PCDH7: variants seen among roughly 807,000 people sequenced by gnomAD.
PCDH7 encodes the protein protocadherin-7.
In PCDH7, 17 loss-of-function variants were observed where a neutral mutation model predicts 58.9. The ratio of observed to expected loss-of-function variants is 0.29; its 90% CI spans 0.20 to 0.43. The LOEUF (loss-of-function observed/expected upper bound fraction) is 0.43, where lower values mean the gene tolerates loss of function less well. Ranked by LOEUF, PCDH7 falls within the 20% of genes least tolerant of loss-of-function variation. The pLI, the probability that PCDH7 is intolerant of heterozygous loss-of-function variation, is 1.00. For missense variants in PCDH7, 1,274 were observed against 1,441.0 expected (o/e 0.88, Z 1.88); for synonymous variants, 664 against 616.4 (o/e 1.08, Z -1.14).
chr4:30,880,620 C>T (rs1021841026), intron 1 of PCDH7, among the ~76,000 whole-genome samples: 1 of 152,170 alleles, frequency 6.6e-6, no homozygotes, highest in Non-Finnish European at 1.5e-5. Flanking sequence ...GTTCTATCTT[C>T]TTGCCTATTT....
At chr4:30,863,684 C>G (rs1325070890) in intron 1 of PCDH7, among the ~76,000 whole-genome samples, 1 of 152,028 alleles carries the variant, frequency 6.6e-6, no homozygotes, top group Non-Finnish European at 1.5e-5. Context: ...TTATACTTCT[C>G]CATATACTCA....
At chr4:30,844,391 T>A (rs1731642048) in intron 1 of PCDH7, among the ~76,000 whole-genome samples, 1 of 152,188 alleles carries the variant, frequency 6.6e-6, no homozygotes, top group Admixed American at 6.5e-5. Context: ...TAGCTATAAT[T>A]ACCAGAAAAA....
chr4:31,085,685 T>C (rs1414804582), intron 3 of PCDH7, among the ~76,000 whole-genome samples: 2 of 152,122 alleles, frequency 1.3e-5, no homozygotes, highest in African/African-American at 4.8e-5. Context: ...GGGACAAATA[T>C]CTAAACCATC....
chr4:31,138,567 C>T (rs1019956414), intron 3 of PCDH7, among the ~76,000 whole-genome samples: 1 of 152,182 alleles, frequency 6.6e-6, no homozygotes, highest in African/African-American at 2.4e-5. Context: ...TCAGCTCTCC[C>T]GTAGCTTGGA....
chr4:30,786,060 T>C (rs573974272), intron 1 of PCDH7, among the ~76,000 whole-genome samples: 27 of 152,068 alleles, frequency 1.8e-4, no homozygotes, highest in Admixed American at 3.3e-4. Flanking sequence ...TGAAGGAGTT[T>C]TTATCATAAC....
chr4:30,972,885 C>T (rs1218315123), intron 3 of PCDH7, among the ~76,000 whole-genome samples: 1 of 152,180 alleles, frequency 6.6e-6, no homozygotes, highest in African/African-American at 2.4e-5. Flanking sequence ...TTAGCCCTCA[C>T]CACCTTTCTT....
At chr4:31,067,131 A>G (rs1284934127) in intron 3 of PCDH7, among the ~76,000 whole-genome samples, 1 of 151,942 alleles carries the variant, frequency 6.6e-6, no homozygotes, top group Non-Finnish European at 1.5e-5. Flanking sequence ...TTCCAAGTGT[A>G]CTATGCATGG....
In PCDH7 at chr4:31,117,170, C is replaced by T. The variant is rs887693876; in HGVS notation, c.*8-25303C>T. On this transcript the variant is annotated intron_variant, in intron 3 of 3. Transcript: ENST00000509759. ...GTGCTGGCATTACAGGCATGAGCCA[C>T]CGCTCCCGGCCTAGGTTTTATGTAA... is the stretch of plus-strand genomic sequence containing the variant. 2.6e-5 allele frequency among the ~76,000 whole-genome samples: 4 copies of T among 152,264 alleles called. No individual in the cohort carries two copies. In the South Asian group the frequency reaches 8.3e-4, roughly 32 times the overall value.
chr4:31,091,091 A>G (rs1713188447), intron 3 of PCDH7, among the ~76,000 whole-genome samples: 1 of 152,016 alleles, frequency 6.6e-6, no homozygotes, highest in Admixed American at 6.6e-5. Flanking sequence ...TTCCTTCTCC[A>G]AAAACTTTTC....
intron 3 of PCDH7, among the ~76,000 whole-genome samples, chr4:30,977,409 C>A (rs1750168140): frequency 6.6e-6 from 1 of 152,150 alleles, no homozygotes; most frequent in South Asian, 2.1e-4. Flanking sequence ...TGAATTGGTA[C>A]TAATTAGCAG....
chr4:31,001,094 A>G (rs1209663892), intron 3 of PCDH7, among the ~76,000 whole-genome samples: 1 of 152,070 alleles, frequency 6.6e-6, no homozygotes, highest in African/African-American at 2.4e-5. Context: ...TCTTCTTTTC[A>G]ATGATTACAG....
intron 1 of PCDH7, among the ~76,000 whole-genome samples, chr4:30,747,229 T>A (rs1471504712): frequency 6.6e-6 from 1 of 152,188 alleles, no homozygotes; most frequent in Non-Finnish European, 1.5e-5. Context: ...ACAACCAGGA[T>A]CCTCTAATTC....
intron 1 of PCDH7, among the ~76,000 whole-genome samples, chr4:30,776,659 A>G (rs1722107762): frequency 6.6e-6 from 1 of 152,214 alleles, no homozygotes; most frequent in Non-Finnish European, 1.5e-5. Context: ...TATCATTGAA[A>G]AAAATGTATC....
intron 1 of PCDH7, among the ~76,000 whole-genome samples, chr4:30,764,702 G>A (rs1720467345): frequency 9.1e-6 from 1 of 110,426 alleles, no homozygotes; most frequent in Non-Finnish European, 1.8e-5. Context: ...CTGATTATAT[G>A]TTTGGTGTTT....
At chr4:30,976,568 T>G (rs1403804698) in intron 3 of PCDH7, among the ~76,000 whole-genome samples, 1 of 150,826 alleles carries the variant, frequency 6.6e-6, no homozygotes, top group Non-Finnish European at 1.5e-5. Flanking sequence ...CCCCAGCTAA[T>G]TTTTGTATTT....
At chr4:31,030,594 A>C (rs1219593010) in intron 3 of PCDH7, among the ~76,000 whole-genome samples, 1 of 152,188 alleles carries the variant, frequency 6.6e-6, no homozygotes, top group Non-Finnish European at 1.5e-5. Flanking sequence ...GAAAAAAACA[A>C]GTAGAAAAAA....
intron 1 of PCDH7, among the ~76,000 whole-genome samples, chr4:30,883,537 C>A (rs1000737735): frequency 1.2e-4 from 18 of 152,174 alleles, no homozygotes; most frequent in African/African-American, 4.3e-4. Flanking sequence ...TTAAGAAATA[C>A]AATTTCCATG....
intron 1 of PCDH7, among the ~76,000 whole-genome samples, chr4:30,794,191 C>G (rs917666978): frequency 3.9e-5 from 6 of 152,136 alleles, no homozygotes; most frequent in African/African-American, 1.4e-4. Flanking sequence ...ATGGCCACAA[C>G]GGTTGTGAAT....
rs1743174226 is a variant in PCDH7 at position 30,921,391 on chromosome 4, G to A, written c.287+1022G>A. 3.3e-5 allele frequency among the ~76,000 whole-genome samples: 5 copies of A among 152,004 alleles called. No individual in the cohort carries two copies. The South Asian group carries it at 1.0e-3, about 31-fold the overall frequency. On this transcript the variant is annotated intron_variant, in intron 2 of 3. Coordinates refer to the PCDH7 transcript ENST00000509759. ...TTTGTTATATATCCGTTTCTTTAGT[G>A]CTGATATATATGCAAGTAGAGCATA...
Sources: gnomAD v4.1 joint callset for allele counts (sites outside exome capture counted in the v4.1 genomes callset) on GRCh38, gnomAD v4.1.1 for gene constraint, MANE v1.5 for transcripts, NCBI Gene and HGNC (gene_info 2026-07-23, HGNC 2026-07-21) for gene names.